Variants in HS6ST3 observed in about 807,000 individuals in gnomAD.
HS6ST3 encodes heparan-sulfate 6-O-sulfotransferase 3.
Under a neutral mutation model 36.7 loss-of-function variants are expected in HS6ST3, and 12 were observed. That is an observed-to-expected ratio of 0.33 (90% CI 0.21 to 0.53). The LOEUF (loss-of-function observed/expected upper bound fraction) is 0.53, where lower values mean the gene tolerates loss of function less well. HS6ST3 is among the 20% of genes least tolerant of loss of function. The pLI, the probability that HS6ST3 is intolerant of heterozygous loss-of-function variation, is 0.95. For missense variants in HS6ST3, 584 were observed against 640.9 expected, an observed-to-expected ratio of 0.91 and a Z score of 0.96; for synonymous variants, 240 against 257.5, an observed-to-expected ratio of 0.93 and a Z score of 0.65.
intron 1 of HS6ST3, among the ~76,000 whole-genome samples, chr13:96,174,101 C>G (rs541729432): frequency 1.3e-5 from 2 of 152,236 alleles, no homozygotes; most frequent in South Asian, 4.1e-4. Context: ...CATGTAAATA[C>G]TAGCTAATCA....
chr13:96,227,974 T>A (rs1334071438), intron 1 of HS6ST3, among the ~76,000 whole-genome samples: 1 of 152,174 alleles, frequency 6.6e-6, no homozygotes. Context: ...AAAAAATTCA[T>A]GGGAATAGGA....
chr13:96,810,031 G>A (rs1462117666), intron 1 of HS6ST3, among the ~76,000 whole-genome samples: 1 of 152,118 alleles, frequency 6.6e-6, no homozygotes, highest in Non-Finnish European at 1.5e-5. Context: ...TGCCAAATAG[G>A]AATCAAAGTT....
chr13:96,437,685 G>A (rs532325439), intron 1 of HS6ST3, among the ~76,000 whole-genome samples: 18 of 152,334 alleles, frequency 1.2e-4, no homozygotes, highest in African/African-American at 4.1e-4. Flanking sequence ...TACAAAGGTA[G>A]ATTATTATTT....
chr13:96,375,319 T>C (rs1888977), intron 1 of HS6ST3, among the ~76,000 whole-genome samples: 66,175 of 152,042 alleles, frequency 0.44, 15,371 homozygotes, highest in Non-Finnish European at 0.54. Context: ...GCATGACCTA[T>C]GGCAATCCTG....
At chr13:96,428,916 G>A (rs1331817674) in intron 1 of HS6ST3, among the ~76,000 whole-genome samples, 2 of 152,308 alleles carry the variant, frequency 1.3e-5, no homozygotes, top group East Asian at 1.9e-4. Context: ...AATAGAATAT[G>A]GTGGAAGAAC....
chr13:96,824,019 GAAC>G (rs1878598047), intron 1 of HS6ST3, among the ~76,000 whole-genome samples: 1 of 152,172 alleles, frequency 6.6e-6, no homozygotes, highest in Non-Finnish European at 1.5e-5. Flanking sequence ...AAAAAAGCAA[GAAC>G]AACTAAATCT....
chr13:96,510,808 G>A (rs761472593), intron 1 of HS6ST3, among the ~76,000 whole-genome samples: 3 of 152,076 alleles, frequency 2.0e-5, no homozygotes, highest in African/African-American at 7.2e-5. Context: ...CGTGTTTGAT[G>A]TATATCTCAT....
chr13:96,373,933 C>A lies in HS6ST3; in HGVS notation c.707+282364C>A, dbSNP rs553520047. On this transcript the variant is annotated intron_variant, in intron 1 of 1. Coordinates refer to ENST00000376705, the MANE Select transcript of HS6ST3 (RefSeq NM_153456.4). ...TTAGTTTAAATCTGCTTTCCTTTTC[C>A]CTTTTAGGGTTTGGACTATGCTAAT... Among the ~76,000 whole-genome samples the A allele has an allele frequency of 3.9e-5, 6 of 152,190 alleles. No individual in the cohort carries two copies. In the South Asian group the frequency reaches 1.0e-3, roughly 26 times the overall value.
At chr13:96,247,085 G>T (rs116443600) in intron 1 of HS6ST3, among the ~76,000 whole-genome samples, 1,756 of 152,188 alleles carry the variant, frequency 0.012, 36 homozygotes, top group African/African-American at 0.041. Context: ...GAGCTACATT[G>T]TGGAAAGCAA....
chr13:96,242,121 C>T (rs906734034), intron 1 of HS6ST3, among the ~76,000 whole-genome samples: 6 of 151,840 alleles, frequency 4.0e-5, no homozygotes, highest in South Asian at 2.1e-4. Context: ...AAGTGGGGGC[C>T]GGGCGCATAA....
At chr13:96,464,987 T>TGTGC (rs1555306470) in intron 1 of HS6ST3, among the ~76,000 whole-genome samples, 24 of 149,482 alleles carry the variant, frequency 1.6e-4, no homozygotes, top group African/African-American at 5.4e-4. Context: ...TGTGTGTGTG[T>TGTGC]GCATGCCCAC....
At chr13:96,732,880 G>A (rs1042240956) in intron 1 of HS6ST3, among the ~76,000 whole-genome samples, 8 of 152,016 alleles carry the variant, frequency 5.3e-5, no homozygotes, top group South Asian at 2.1e-4. Context: ...AATTTATTCC[G>A]AAGTATTTTT....
At chr13:96,269,413 A>G (rs773378451) in intron 1 of HS6ST3, among the ~76,000 whole-genome samples, 6 of 152,046 alleles carry the variant, frequency 3.9e-5, no homozygotes, top group African/African-American at 1.5e-4. Context: ...TTATCAACCT[A>G]TTCCTCAAAC....
intron 1 of HS6ST3, among the ~76,000 whole-genome samples, chr13:96,236,166 C>T (rs1050164283): frequency 6.6e-6 from 1 of 152,118 alleles, no homozygotes; most frequent in East Asian, 1.9e-4. Flanking sequence ...TTTACGGCTG[C>T]TTTTTCTAGT....
chr13:96,712,784 C>T (rs2138462244), intron 1 of HS6ST3, among the ~76,000 whole-genome samples: 1 of 152,264 alleles, frequency 6.6e-6, no homozygotes, highest in East Asian at 1.9e-4. Flanking sequence ...CCCTACACAC[C>T]CAGTTCATTT....
chr13:96,688,322 G>A (rs1594836528), intron 1 of HS6ST3, among the ~76,000 whole-genome samples: 1 of 151,914 alleles, frequency 6.6e-6, no homozygotes, highest in East Asian at 1.9e-4. Flanking sequence ...TAGGCCAAGG[G>A]AGCGTGGATG....
intron 1 of HS6ST3, among the ~76,000 whole-genome samples, chr13:96,502,249 G>C (rs1458608496): frequency 6.6e-6 from 1 of 152,088 alleles, no homozygotes; most frequent in Non-Finnish European, 1.5e-5. Flanking sequence ...TGGACACCTA[G>C]CAGGCAATCA....
At chr13:96,531,791 A>G (rs1396039886) in intron 1 of HS6ST3, among the ~76,000 whole-genome samples, 1 of 152,232 alleles carries the variant, frequency 6.6e-6, no homozygotes, top group Non-Finnish European at 1.5e-5. Flanking sequence ...CAAGTAGCTG[A>G]TATGTGCCAG....
chr13:96,575,139 CA>C (rs1191760558), intron 1 of HS6ST3, among the ~76,000 whole-genome samples: 1 of 152,136 alleles, frequency 6.6e-6, no homozygotes, highest in Non-Finnish European at 1.5e-5. Context: ...CATTGCTTGG[CA>C]AGCCATGGAT....
Sources: allele counts gnomAD v4.1 joint callset (sites outside exome capture counted in the v4.1 genomes callset), GRCh38; gene constraint gnomAD v4.1.1; transcripts MANE v1.5; gene names NCBI Gene and HGNC (gene_info 2026-07-23, HGNC 2026-07-21).